The following CDH23 variants were observed in gnomAD, a reference collection of about 807,000 sequenced individuals.
CDH23 encodes the protein cadherin related 23.
Under a neutral mutation model 317.1 loss-of-function variants are expected in CDH23, and 189 were observed. The observed-to-expected ratio is 0.60, with a 90% CI of 0.53 to 0.67. The LOEUF (loss-of-function observed/expected upper bound fraction) is 0.67. CDH23 is among the 30% of genes least tolerant of loss of function. CDH23 has a pLI of 0.00. For missense variants in CDH23, 4,401 were observed against 4,592.4 expected, an observed-to-expected ratio of 0.96 and a Z score of 1.20; for synonymous variants, 1,839 against 1,876.8, an observed-to-expected ratio of 0.98 and a Z score of 0.52.
At chr10:71,528,294 C>T (rs893124082) in intron 6 of CDH23, among the ~76,000 whole-genome samples, 2 of 152,110 alleles carry the variant, frequency 1.3e-5, no homozygotes, top group African/African-American at 4.8e-5. Flanking sequence ...TCGGTGTTCT[C>T]TCCCTAAAGA....
At chr10:71,726,699 C>T (rs1049108334) in intron 30 of CDH23, among the ~76,000 whole-genome samples, 2 of 152,204 alleles carry the variant, frequency 1.3e-5, no homozygotes, top group East Asian at 1.9e-4. Flanking sequence ...CTGGTCAGTA[C>T]GCCCTCATCA....
At position 71,808,908 on chromosome 10, in the gene CDH23, G is replaced by A. The variant is rs577422362; in HGVS notation, c.8722+901G>A. Among the ~76,000 whole-genome samples the A allele has an allele frequency of 3.5e-4, 53 of 152,124 alleles. 1 individual carries two copies. In the South Asian group the frequency reaches 4.8e-3, roughly 14 times the overall value. On this transcript the variant is annotated intron_variant, in intron 60 of 69. Coordinates refer to ENST00000224721, the MANE Select transcript of CDH23 (RefSeq NM_022124.6). ...CCATTTTGACCCCTTCTTTGCCTTC[G>A]GATATCCCTCCGCCACCCTTCAAGG...
chr10:71,814,650 A>G (rs560871840), intron 69 of CDH23, among the ~76,000 whole-genome samples: 46 of 150,526 alleles, frequency 3.1e-4, no homozygotes, highest in Admixed American at 1.9e-3. Flanking sequence ...ACACATACAC[A>G]CACACACACA....
intron 38 of CDH23, among the ~76,000 whole-genome samples, chr10:71,774,190 G>T (rs189608873): frequency 6.6e-6 from 1 of 152,130 alleles, no homozygotes; most frequent in South Asian, 2.1e-4. Flanking sequence ...AGCACATCCT[G>T]CAAGCTCCCC....
chr10:71,695,285 T>C, intron 21 of CDH23, 133 bp from the exon 22 acceptor site: 4 of 701,472 alleles, frequency 5.7e-6, no homozygotes, highest in Non-Finnish European at 1.0e-5. Flanking sequence ...TGCCCAAGGC[T>C]CCCAAGGTTG....
intron 6 of CDH23, among the ~76,000 whole-genome samples, chr10:71,538,297 G>A (rs1397728904): frequency 1.3e-5 from 2 of 152,198 alleles, no homozygotes; most frequent in Non-Finnish European, 2.9e-5. Flanking sequence ...CCCCCAGTGA[G>A]GGAAAATATG....
intron 53 of CDH23, among the ~76,000 whole-genome samples, chr10:71,801,304 G>A (rs940230264): frequency 2.0e-5 from 3 of 151,724 alleles, no homozygotes; most frequent in African/African-American, 4.8e-5. Context: ...ACAGGCATGC[G>A]CTACCACACC....
intron 38 of CDH23, among the ~76,000 whole-genome samples, chr10:71,742,824 C>T (rs1839773325): frequency 6.6e-6 from 1 of 152,236 alleles, no homozygotes; most frequent in Non-Finnish European, 1.5e-5. Context: ...ACAATAACCA[C>T]ATAGTTAGCG....
chr10:71,547,537 T>C (rs1856350083), intron 6 of CDH23, among the ~76,000 whole-genome samples: 1 of 152,136 alleles, frequency 6.6e-6, no homozygotes, highest in Non-Finnish European at 1.5e-5. Context: ...TGGAATAGGG[T>C]TGTGGCGACA....
intron 3 of CDH23, among the ~76,000 whole-genome samples, chr10:71,458,601 G>A (rs1377552277): frequency 6.6e-6 from 1 of 152,210 alleles, no homozygotes; most frequent in Admixed American, 6.5e-5. Flanking sequence ...CTTCCAAGAA[G>A]CCCTCCTTTG....
intron 41 of CDH23, among the ~76,000 whole-genome samples, chr10:71,780,537 GC>G (rs894122032): frequency 2.6e-5 from 4 of 152,158 alleles, no homozygotes; most frequent in African/African-American, 9.7e-5. Flanking sequence ...TCACAGAGAA[GC>G]AAAAAGGCCT....
intron 57 of CDH23, among the ~76,000 whole-genome samples, chr10:71,807,074 G>A (rs1379359286): frequency 6.6e-6 from 1 of 152,206 alleles, no homozygotes; most frequent in Non-Finnish European, 1.5e-5. Flanking sequence ...TTTGGGTTCT[G>A]GGCAACACTC....
chr10:71,694,423 C>T (rs1431963279), intron 21 of CDH23, among the ~76,000 whole-genome samples, 164 bp downstream of exon 21: 1 of 152,060 alleles, frequency 6.6e-6, no homozygotes, highest in Non-Finnish European at 1.5e-5. Context: ...GCCCCCGGGG[C>T]CACCACAGCT....
At chr10:71,728,259 G>C (rs923274704) in intron 30 of CDH23, among the ~76,000 whole-genome samples, 2 of 149,912 alleles carry the variant, frequency 1.3e-5, no homozygotes, top group Non-Finnish European at 3.0e-5. Context: ...TTAGGTTCCA[G>C]CCTGTGAACA....
At chr10:71,761,622 C>A in intron 38 of CDH23, 2 of 1,600,932 alleles carry the variant, frequency 1.2e-6, no homozygotes, top group Non-Finnish European at 1.7e-6. Flanking sequence ...AGCTCCATGG[C>A]ACCATGGACC....
intron 6 of CDH23, among the ~76,000 whole-genome samples, chr10:71,513,826 C>T (rs1854126947): frequency 6.6e-6 from 1 of 152,142 alleles, no homozygotes; most frequent in Admixed American, 6.5e-5. Flanking sequence ...AGGTCCTTCC[C>T]ATCCTTCAGC....
chr10:71,482,723 G>A (rs1320711682), intron 3 of CDH23, among the ~76,000 whole-genome samples: 1 of 152,216 alleles, frequency 6.6e-6, no homozygotes. Flanking sequence ...AGGAAAAGCC[G>A]AGTGCGAATG....
chr10:71,680,173 G>A (rs1864556320), intron 17 of CDH23, among the ~76,000 whole-genome samples: 1 of 152,318 alleles, frequency 6.6e-6, no homozygotes, highest in Admixed American at 6.5e-5. Flanking sequence ...CCTTACTGGT[G>A]TTCACCCCCA....
At chr10:71,488,291 G>A (rs945511382) in intron 3 of CDH23, among the ~76,000 whole-genome samples, 2 of 152,226 alleles carry the variant, frequency 1.3e-5, no homozygotes, top group African/African-American at 4.8e-5. Flanking sequence ...GAGGAACTTT[G>A]GCCTGGCACC....
Sources: gnomAD v4.1 joint callset for allele counts (sites outside exome capture counted in the v4.1 genomes callset) on GRCh38, gnomAD v4.1.1 for gene constraint, MANE v1.5 for transcripts, NCBI Gene and HGNC (gene_info 2026-07-23, HGNC 2026-07-21) for gene names.